Variants in SLCO5A1 observed in about 807,000 individuals in gnomAD.
SLCO5A1 encodes the protein organic anion transporter polypeptide-related protein 4.
Under a neutral mutation model 65.1 loss-of-function variants are expected in SLCO5A1, and 39 were observed. The observed-to-expected ratio is 0.60, with a 90% CI of 0.46 to 0.78. The LOEUF (loss-of-function observed/expected upper bound fraction) is 0.78. SLCO5A1 is among the 30% of genes least tolerant of loss of function. The pLI, the probability that SLCO5A1 is intolerant of heterozygous loss-of-function variation, is 0.00. For synonymous variants in SLCO5A1, 438 were observed against 415.7 expected (o/e 1.05, Z -0.65); for missense variants, 1,029 against 1,069.4 (o/e 0.96, Z 0.53).
intron 2 of SLCO5A1, among the ~76,000 whole-genome samples, chr8:69,789,619 T>A (rs575596416): frequency 9.8e-5 from 15 of 152,312 alleles, no homozygotes; most frequent in Non-Finnish European, 5.9e-5. Flanking sequence ...TCGTACAACA[T>A]GAGAACTAAA....
chr8:69,773,092 C>T (rs773522230), intron 2 of SLCO5A1: 12 of 378,982 alleles, frequency 3.2e-5, no homozygotes, highest in Non-Finnish European at 4.0e-5. Flanking sequence ...CAGATTTGAA[C>T]GTGCATGGTG....
chr8:69,807,704 T>A (rs1319942597), intron 2 of SLCO5A1, among the ~76,000 whole-genome samples: 1 of 152,204 alleles, frequency 6.6e-6, no homozygotes, highest in Non-Finnish European at 1.5e-5. Flanking sequence ...GTTTTTTGTT[T>A]GTTTGTTTGT....
At chr8:69,808,877 G>T (rs560261991) in intron 2 of SLCO5A1, among the ~76,000 whole-genome samples, 2 of 152,290 alleles carry the variant, frequency 1.3e-5, no homozygotes, top group South Asian at 4.1e-4. Context: ...GGCCGAGGCA[G>T]GTGGATCACC....
chr8:69,767,214 T>G (rs1586776304), intron 2 of SLCO5A1, among the ~76,000 whole-genome samples: 2 of 152,322 alleles, frequency 1.3e-5, no homozygotes, highest in East Asian at 3.9e-4. Context: ...TTACAGGCAA[T>G]GGAGTGCCCA....
chr8:69,820,398 A>G (rs980980356), intron 2 of SLCO5A1, among the ~76,000 whole-genome samples: 1 of 152,266 alleles, frequency 6.6e-6, no homozygotes, highest in Non-Finnish European at 1.5e-5. Flanking sequence ...AACCACTGGT[A>G]CACATGGTTA....
chr8:69,733,835 T>C (rs1816439417), intron 5 of SLCO5A1, among the ~76,000 whole-genome samples: 1 of 152,232 alleles, frequency 6.6e-6, no homozygotes, highest in Non-Finnish European at 1.5e-5. Flanking sequence ...CTTTTCTTTA[T>C]AAATTACCCA....
intron 2 of SLCO5A1, among the ~76,000 whole-genome samples, chr8:69,828,731 A>G (rs2130927933): frequency 6.6e-6 from 1 of 152,284 alleles, no homozygotes; most frequent in Admixed American, 6.5e-5. Flanking sequence ...CACTAAAAAC[A>G]CCTCAAATGC....
At chr8:69,788,720 A>G (rs146769349) in intron 2 of SLCO5A1, among the ~76,000 whole-genome samples, 258 of 152,308 alleles carry the variant, frequency 1.7e-3, no homozygotes, top group Non-Finnish European at 2.8e-3. Context: ...CAAACAATGA[A>G]TTAGATACTA....
intron 2 of SLCO5A1, among the ~76,000 whole-genome samples, chr8:69,789,538 C>T (rs1439336621): frequency 6.6e-6 from 1 of 151,846 alleles, no homozygotes; most frequent in Non-Finnish European, 1.5e-5. Flanking sequence ...GGGGAGTGGC[C>T]GGGGAATGGG....
intron 5 of SLCO5A1, among the ~76,000 whole-genome samples, chr8:69,730,689 G>A (rs1190724814): frequency 6.6e-6 from 1 of 152,202 alleles, no homozygotes; most frequent in African/African-American, 2.4e-5. Context: ...CTAAGTGGTT[G>A]AGGATGGTTT....
intron 4 of SLCO5A1, among the ~76,000 whole-genome samples, chr8:69,752,802 A>G (rs1817374494): frequency 6.6e-6 from 1 of 152,242 alleles, no homozygotes; most frequent in South Asian, 2.1e-4. Context: ...CTGCAGAAGT[A>G]GGATCAGTCA....
At chr8:69,831,191 C>T (rs1391287695) in intron 2 of SLCO5A1, among the ~76,000 whole-genome samples, 1 of 150,636 alleles carries the variant, frequency 6.6e-6, no homozygotes, top group Non-Finnish European at 1.5e-5. Flanking sequence ...ACCCAGGAGG[C>T]GGAGGTTGCA....
At chr8:69,729,349 C>T in intron 5 of SLCO5A1, among the ~76,000 whole-genome samples, 1 of 146,160 alleles carries the variant, frequency 6.8e-6, no homozygotes, top group East Asian at 2.1e-4. Flanking sequence ...GAGGCTGAGG[C>T]AGGAGAATGG....
chr8:69,800,962 A>C (rs1291715432), intron 2 of SLCO5A1, among the ~76,000 whole-genome samples: 1 of 152,170 alleles, frequency 6.6e-6, no homozygotes, highest in Non-Finnish European at 1.5e-5. Flanking sequence ...CTGGGCCCAG[A>C]ATGAGGAGAA....
At chr8:69,762,182 CTTTCTT>C (rs1563708209) in intron 2 of SLCO5A1, among the ~76,000 whole-genome samples, 2 of 60,778 alleles carry the variant, frequency 3.3e-5, no homozygotes, top group Non-Finnish European at 6.8e-5. Flanking sequence ...TTCTTTCTTT[CTTTCTT>C]TCTTTCTTTC....
At chr8:69,773,706 C>A (rs1342667554) in intron 2 of SLCO5A1, among the ~76,000 whole-genome samples, 2 of 152,224 alleles carry the variant, frequency 1.3e-5, no homozygotes, top group Non-Finnish European at 1.5e-5. Context: ...TTGGGGGTCA[C>A]CCCTATTGCA....
chr8:69,705,400 A>C (rs73279336), intron 5 of SLCO5A1, among the ~76,000 whole-genome samples, 171 bp from the exon 6 acceptor site: 2,830 of 152,336 alleles, frequency 0.019, 78 homozygotes, highest in African/African-American at 0.065. Context: ...AACACATACA[A>C]TCAACAACGG....
At chr8:69,826,324 A>G (rs2130925451) in intron 2 of SLCO5A1, among the ~76,000 whole-genome samples, 1 of 152,012 alleles carries the variant, frequency 6.6e-6, no homozygotes, top group Middle Eastern at 3.4e-3. Context: ...AAAAGAAACT[A>G]CCATCAGAGT....
chr8:69,830,202 G>C (rs1437118295), intron 2 of SLCO5A1, among the ~76,000 whole-genome samples: 1 of 152,130 alleles, frequency 6.6e-6, no homozygotes, highest in African/African-American at 2.4e-5. Flanking sequence ...CTCTATAACA[G>C]CTTTTGGGGA....
Sources: allele counts gnomAD v4.1 joint callset (sites outside exome capture counted in the v4.1 genomes callset), GRCh38; gene constraint gnomAD v4.1.1; transcripts MANE v1.5; gene names NCBI Gene and HGNC (gene_info 2026-07-23, HGNC 2026-07-21).